SYT1: variants seen among roughly 807,000 people sequenced by gnomAD.
SYT1 encodes synaptotagmin 1.
In SYT1, 8 loss-of-function variants were observed where a neutral mutation model predicts 44.8. The observed-to-expected ratio is 0.18, with a 90% CI of 0.10 to 0.32. The LOEUF is 0.32. Ranked by LOEUF, SYT1 falls within the 10% of genes least tolerant of loss-of-function variation. The pLI, the probability that SYT1 is intolerant of heterozygous loss-of-function variation, is 1.00. For missense variants in SYT1, 286 were observed against 509.3 expected, an observed-to-expected ratio of 0.56 and a Z score of 4.22; for synonymous variants, 154 against 188.8, an observed-to-expected ratio of 0.82 and a Z score of 1.51.
intron 8 of SYT1, among the ~76,000 whole-genome samples, chr12:79,310,558 A>T (rs1012504042): frequency 6.6e-6 from 1 of 152,172 alleles, no homozygotes; most frequent in African/African-American, 2.4e-5. Flanking sequence ...GAAGAAAGTC[A>T]TTGGTAGCTT....
intron 1 of SYT1, among the ~76,000 whole-genome samples, chr12:78,893,710 T>C (rs1875180500): frequency 6.6e-6 from 1 of 151,758 alleles, no homozygotes; most frequent in Non-Finnish European, 1.5e-5. Flanking sequence ...ACTAAAAAGA[T>C]AGGTTTAAGG....
chr12:79,180,999 A>C (rs192561523), intron 3 of SYT1, among the ~76,000 whole-genome samples: 2 of 151,712 alleles, frequency 1.3e-5, no homozygotes, highest in East Asian at 3.9e-4. Context: ...TCCCCTCTTC[A>C]CTCTGCATTC....
At chr12:79,243,043 C>T (rs556188154) in intron 4 of SYT1, among the ~76,000 whole-genome samples, 33 of 152,296 alleles carry the variant, frequency 2.2e-4, no homozygotes, top group African/African-American at 7.7e-4. Context: ...GGCAAGAGAG[C>T]ATGTGCAGGG....
chr12:78,953,969 G>A (rs1167351567), intron 1 of SYT1, among the ~76,000 whole-genome samples: 10 of 152,002 alleles, frequency 6.6e-5, no homozygotes, highest in African/African-American at 2.2e-4. Context: ...TATAGGGTCA[G>A]TGATATTAAG....
intron 1 of SYT1, among the ~76,000 whole-genome samples, chr12:78,942,497 A>G (rs1439737709): frequency 6.6e-6 from 1 of 152,094 alleles, no homozygotes; most frequent in Non-Finnish European, 1.5e-5. Flanking sequence ...TTTAAAGCCC[A>G]AATTTCCAGG....
intron 3 of SYT1, among the ~76,000 whole-genome samples, chr12:79,179,464 T>TAGATATAGATATAGAGATATCTATAG (rs1872323486): frequency 6.6e-5 from 6 of 91,162 alleles, no homozygotes; most frequent in African/African-American, 2.9e-4. Flanking sequence ...ATAATCTATA[T>TAGATATAGATATAGAGATATCTATAG]AGATATAGAT....
chr12:79,067,141 A>G (rs1414865685), intron 3 of SYT1, among the ~76,000 whole-genome samples: 1 of 152,144 alleles, frequency 6.6e-6, no homozygotes, highest in South Asian at 2.1e-4. Context: ...CAAAATAGAC[A>G]TGCTTTTTCA....
intron 3 of SYT1, among the ~76,000 whole-genome samples, chr12:79,052,891 A>G (rs994179473): frequency 5.9e-5 from 9 of 152,142 alleles, no homozygotes; most frequent in African/African-American, 2.2e-4. Context: ...AAATAGGAAC[A>G]CTTCTACACT....
chr12:79,425,568 A>G (rs1395165004), intron 9 of SYT1, among the ~76,000 whole-genome samples: 2 of 152,176 alleles, frequency 1.3e-5, no homozygotes, highest in Non-Finnish European at 2.9e-5. Flanking sequence ...TAATCACCTC[A>G]CTAATATTCT....
intron 1 of SYT1, among the ~76,000 whole-genome samples, chr12:78,907,882 G>C (rs562591176): frequency 1.3e-5 from 2 of 152,076 alleles, no homozygotes; most frequent in African/African-American, 4.8e-5. Context: ...GCATTGATCT[G>C]TTTCTCTGCT....
chr12:78,919,755 A>G (rs1028289628), intron 1 of SYT1, among the ~76,000 whole-genome samples: 4 of 152,038 alleles, frequency 2.6e-5, no homozygotes, highest in African/African-American at 9.7e-5. Flanking sequence ...TGCACATGAA[A>G]TGTTGGAATA....
At chr12:79,253,472 G>C (rs1178929577) in intron 4 of SYT1, among the ~76,000 whole-genome samples, 2 of 141,636 alleles carry the variant, frequency 1.4e-5, no homozygotes, top group East Asian at 4.2e-4. Flanking sequence ...TCCACCAAAA[G>C]CCATTGCCCA....
chr12:79,381,130 T>G (rs1487469343), intron 9 of SYT1, among the ~76,000 whole-genome samples: 3 of 152,214 alleles, frequency 2.0e-5, no homozygotes, highest in Non-Finnish European at 4.4e-5. Flanking sequence ...TTTAGTAGTT[T>G]TTATTCCTTG....
chr12:79,280,489 C>CA (rs79177676), intron 4 of SYT1, among the ~76,000 whole-genome samples: 1 of 151,168 alleles, frequency 6.6e-6, no homozygotes, highest in Non-Finnish European at 1.5e-5. Flanking sequence ...TGACCATATA[C>CA]AAAAAAAATT....
chr12:79,241,907 A>G (rs764234498), intron 4 of SYT1, among the ~76,000 whole-genome samples: 4 of 152,210 alleles, frequency 2.6e-5, no homozygotes, highest in Non-Finnish European at 5.9e-5. Context: ...AGAAGAGAAG[A>G]GAGATACACA....
rs527782517 is a variant in SYT1 at position 79,145,999 on chromosome 12, C to T, written c.-17-71504C>T. Among the ~76,000 whole-genome samples, 602 of 152,104 alleles carry T rather than the reference C, an allele frequency of 4.0e-3. 3 individuals carry two copies. Among genetic ancestry groups the T allele is most frequent in the African/African-American group, 0.014 (565 of 41,458 alleles). On this transcript the variant is annotated intron_variant, in intron 3 of 10. Transcript: ENST00000261205. ...GTCTCGATCTCCTGACCTCGTGATCCGCCCGCCTCGGCCTCCCAAAGTGCT... is the reference window on the plus strand; with the variant it reads ...GTCTCGATCTCCTGACCTCGTGATCTGCCCGCCTCGGCCTCCCAAAGTGCT...
chr12:78,960,556 T>A (rs1879448956), intron 1 of SYT1: 1 of 152,210 alleles, frequency 6.6e-6, no homozygotes, highest in Non-Finnish European at 1.5e-5. Context: ...TGTTCTCGCG[T>A]GCTTCCTGCT....
intron 5 of SYT1, 180 bp from the exon 6 acceptor site, chr12:79,291,828 C>T (rs752047784): frequency 1.1e-5 from 9 of 806,576 alleles, no homozygotes; most frequent in South Asian, 5.7e-5. Context: ...AAAGAAATTC[C>T]GTGCACAAAA....
chr12:78,948,282 G>A (rs1878777261), intron 1 of SYT1, among the ~76,000 whole-genome samples: 1 of 151,720 alleles, frequency 6.6e-6, no homozygotes, highest in Non-Finnish European at 1.5e-5. Flanking sequence ...TAATCAAAAT[G>A]CAATTTACAG....
Sources: allele counts gnomAD v4.1 joint callset (sites outside exome capture counted in the v4.1 genomes callset), GRCh38; gene constraint gnomAD v4.1.1; transcripts MANE v1.5; gene names NCBI Gene and HGNC (gene_info 2026-07-23, HGNC 2026-07-21).